The following SLC22A4 variants were observed in gnomAD, a reference collection of about 807,000 sequenced individuals.
The protein encoded by SLC22A4 is solute carrier family 22 member 4.
In SLC22A4, 39 loss-of-function variants were observed where a neutral mutation model predicts 56.6. That is an observed-to-expected ratio of 0.69 (90% CI 0.53 to 0.90). The LOEUF (loss-of-function observed/expected upper bound fraction) is 0.90. Among genes scored for constraint, SLC22A4 ranks in the 40% least tolerant of loss-of-function variants. The pLI is 0.00. For missense variants in SLC22A4, 594 were observed against 696.5 expected, an observed-to-expected ratio of 0.85 and a Z score of 1.66; for synonymous variants, 241 against 281.4, an observed-to-expected ratio of 0.86 and a Z score of 1.44.
At position 132,328,867 on chromosome 5, in the gene SLC22A4, ACG is replaced by A. The variant is rs1491528861; in HGVS notation, c.951+1466_951+1467del. Among the ~76,000 whole-genome samples the A allele has an allele frequency of 6.7e-5, 10 of 149,448 alleles. No homozygotes were observed. In the South Asian group the frequency reaches 8.5e-4, roughly 13 times the overall value. ...CACACACACACACACACACACACAC[ACG>A]CATATATAAATGTGTATATATATGT... On this transcript the variant is annotated intron_variant, in intron 5 of 9. Coordinates refer to ENST00000200652, the MANE Select transcript of SLC22A4 (RefSeq NM_003059.3).
chr5:132,298,188 T>C (rs1340766334), intron 1 of SLC22A4, among the ~76,000 whole-genome samples: 1 of 152,242 alleles, frequency 6.6e-6, no homozygotes, highest in Admixed American at 6.5e-5. Flanking sequence ...TTGTACACCA[T>C]GTCTATGGTA....
intron 1 of SLC22A4, among the ~76,000 whole-genome samples, chr5:132,300,756 C>T (rs1282066268): frequency 6.6e-6 from 1 of 152,142 alleles, no homozygotes; most frequent in Non-Finnish European, 1.5e-5. Flanking sequence ...TGTGTTTACC[C>T]CTGCGGGAGG....
At chr5:132,299,306 G>A (rs1749850461) in intron 1 of SLC22A4, among the ~76,000 whole-genome samples, 1 of 152,218 alleles carries the variant, frequency 6.6e-6, no homozygotes, top group Admixed American at 6.5e-5. Flanking sequence ...GTGTGTACAT[G>A]TGTATAAGGT....
At chr5:132,334,322 T>C (rs1750953249) in intron 6 of SLC22A4, among the ~76,000 whole-genome samples, 1 of 152,242 alleles carries the variant, frequency 6.6e-6, no homozygotes, top group Admixed American at 6.5e-5. Context: ...ATATTTTTTC[T>C]TCATATAATA....
At position 132,294,625 on chromosome 5, in the gene SLC22A4, C is replaced by T. The variant is rs764924955; in HGVS notation, c.9C>T (p.Asp3=). Residue 3 remains aspartate, a synonymous_variant, in exon 1 of 10, where the codon GAC becomes GAT. Transcript: ENST00000200652. The surrounding 1 kb of genome is among the most constrained non-coding windows in gnomAD (Gnocchi z 5.6). MR[D]YDEVIAFLGE... is the part of the protein sequence containing the mutation. ...GAGCGGCAGTGGGAAGCATGCGGGA[C>T]TACGACGAGGTGATCGCCTTCCTGG... 3.7e-6 allele frequency: 6 copies of T among 1,614,086 alleles called. No homozygotes were observed. The highest frequency in any genetic ancestry group is 5.1e-6 in the Non-Finnish European group (6 of 1,180,040).
In SLC22A4 at chr5:132,343,937, C is replaced by T. The variant is rs1384973925; in HGVS notation, c.*102C>T. 5.7e-6 allele frequency: 4 copies of T among 702,274 alleles called. No homozygotes were observed. The highest frequency in any genetic ancestry group is 1.0e-5 in the Non-Finnish European group (4 of 396,984). The allele number at this position is 702,274 out of a possible 1,614,324, so 43.5% of individuals were successfully genotyped here. A position where few individuals can be genotyped will look rare whatever the true frequency, so the allele number is the denominator to read the frequency against. On this transcript the variant is annotated 3_prime_UTR_variant, in exon 10 of 10. Transcript: ENST00000200652. ...AATGGACTGACTGTAACGATTGACA[C>T]CAAAATGAACCTTGCTATCAAGAAA...
Position 132,324,143 on chromosome 5 carries a change from A to G in SLC22A4, c.824+1788A>G, listed in dbSNP as rs920089945. ...GGAGTTCAAGATTACAGTGCGCTAT[A>G]TGATCATGCCACTGCACTCCAGCCC... On this transcript the variant is annotated intron_variant, in intron 4 of 9. Coordinates refer to ENST00000200652, the MANE Select transcript of SLC22A4 (RefSeq NM_003059.3). 4.6e-5 allele frequency among the ~76,000 whole-genome samples: 7 copies of G among 152,202 alleles called. No homozygotes were observed. In the South Asian group the frequency reaches 1.2e-3, roughly 27 times the overall value.
intron 5 of SLC22A4, among the ~76,000 whole-genome samples, chr5:132,328,903 G>GTGTGTATA (rs1180080096): frequency 5.2e-5 from 5 of 96,458 alleles, no homozygotes; most frequent in African/African-American, 2.5e-4. Flanking sequence ...GTGTGTATGT[G>GTGTGTATA]TATATATATA....
chr5:132,296,247 A>G (rs1042785643), intron 1 of SLC22A4, among the ~76,000 whole-genome samples: 2 of 152,220 alleles, frequency 1.3e-5, no homozygotes, highest in African/African-American at 4.8e-5. Flanking sequence ...AGGTAATGGA[A>G]TTCTCATATA....
At chr5:132,309,789 G>A (rs536498947) in intron 1 of SLC22A4, among the ~76,000 whole-genome samples, 30 of 152,386 alleles carry the variant, frequency 2.0e-4, no homozygotes, top group African/African-American at 7.2e-4. Context: ...CCAGTTCCCA[G>A]TCCTACCCTT....
chr5:132,331,616 T>C (rs1750861407), intron 5 of SLC22A4, 140 bp from the exon 6 acceptor site: 1 of 743,970 alleles, frequency 1.3e-6, no homozygotes, highest in African/African-American at 1.7e-5. Flanking sequence ...AGATGCCCTA[T>C]TGCCTCCAAT....
chr5:132,303,027 C>T (rs1561534596), intron 1 of SLC22A4, among the ~76,000 whole-genome samples: 1 of 152,256 alleles, frequency 6.6e-6, no homozygotes, highest in Non-Finnish European at 1.5e-5. Flanking sequence ...AGATAACCCA[C>T]AAAATGGGAG....
intron 5 of SLC22A4, among the ~76,000 whole-genome samples, chr5:132,329,359 T>C (rs1455128889): frequency 6.6e-6 from 1 of 152,002 alleles, no homozygotes; most frequent in Non-Finnish European, 1.5e-5. Context: ...TCACCTCCCG[T>C]AGGATCCTCT....
rs550626390 is a variant in SLC22A4, at chr5:132,311,876, T to G, written c.394-285T>G. ...AGTCACAGCCATGGCCTTGGCTGGC[T>G]TCTTGCTATGTAATGCGAGCGGAGT... On this transcript the variant is annotated intron_variant, in intron 1 of 9. Coordinates refer to ENST00000200652, the MANE Select transcript of SLC22A4 (RefSeq NM_003059.3). The G allele has an allele frequency of 5.9e-6, 3 of 507,192 alleles. No homozygotes were observed. The East Asian group carries it at 1.1e-4, about 18-fold the overall frequency. The allele number at this position is 507,192 out of a possible 1,614,324, so 31.4% of individuals were successfully genotyped here.
At chr5:132,301,521 C>A (rs1264521183) in intron 1 of SLC22A4, among the ~76,000 whole-genome samples, 1 of 152,180 alleles carries the variant, frequency 6.6e-6, no homozygotes, top group African/African-American at 2.4e-5. Context: ...GTGGCACTAG[C>A]CTTGTGCTTT....
At chr5:132,343,537 T>C (rs780084867) in intron 9 of SLC22A4, among the ~76,000 whole-genome samples, 9 of 152,138 alleles carry the variant, frequency 5.9e-5, no homozygotes, top group Non-Finnish European at 8.8e-5. Context: ...TTGGGAAAAC[T>C]GTGAAAGAGT....
chr5:132,304,624 A>T (rs964486025), intron 1 of SLC22A4, among the ~76,000 whole-genome samples: 1 of 151,804 alleles, frequency 6.6e-6, no homozygotes, highest in African/African-American at 2.4e-5. Flanking sequence ...CTCGGAAAAG[A>T]AGAAGAAGAA....
chr5:132,333,522 G>A (rs1419254391), intron 6 of SLC22A4, among the ~76,000 whole-genome samples: 1 of 152,156 alleles, frequency 6.6e-6, no homozygotes, highest in Non-Finnish European at 1.5e-5. Flanking sequence ...ACTCTAGCAG[G>A]CATACTTTGA....
Position 132,322,299 on chromosome 5 carries a change from G to A in SLC22A4, c.768G>A (p.Trp256Ter), listed in dbSNP as rs368695578. The change falls in exon 4 of 10, where the codon TGG (tryptophan) becomes TGA (stop). Residue 256 changes from tryptophan (W) to a stop codon, truncating the protein, a stop_gained. Coordinates refer to ENST00000200652, the MANE Select transcript of SLC22A4 (RefSeq NM_003059.3). LOFTEE classifies it high-confidence loss of function. ...TGTTTGCTTACTTCATCAGAGACTG[G>A]CGGATGCTGCTGCTGGCGCTGACGG... ...LPLFAYFIRD[W>*]RMLLLALTVP... The A allele has an allele frequency of 6.2e-7, 1 of 1,614,084 alleles. No individual in the cohort carries two copies. The highest frequency in any genetic ancestry group is 1.3e-5 in the African/African-American group (1 of 75,044).
Sources: allele counts gnomAD v4.1 joint callset (sites outside exome capture counted in the v4.1 genomes callset), GRCh38; gene constraint gnomAD v4.1.1; non-coding constraint Gnocchi (gnomAD v3.1); transcripts MANE v1.5; gene names NCBI Gene and HGNC (gene_info 2026-07-23, HGNC 2026-07-21).